Variants in YTHDF2 observed in about 807,000 individuals in gnomAD.
YTHDF2 encodes the protein YTH N6-methyladenosine RNA binding protein F2.
In YTHDF2, 2 loss-of-function variants were observed where a neutral mutation model predicts 50.4. The observed-to-expected ratio is 0.04, with a 90% CI of 0.02 to 0.12. The LOEUF is 0.12. Among genes scored for constraint, YTHDF2 ranks in the 10% least tolerant of loss-of-function variants. YTHDF2 has a pLI of 1.00. For synonymous variants in YTHDF2, 217 were observed against 255.6 expected (o/e 0.85, Z 1.44); for missense variants, 483 against 722.6 (o/e 0.67, Z 3.80).
In YTHDF2 at chr1:28,743,490, T is replaced by C. The variant is rs769882251; in HGVS notation, c.1220T>C (p.Leu407Pro). ...AACCCCAAAGATTTTGACTGGAATC[T>C]GAAACATGGCCGGGTTTTCATCATT... ...NYNPKDFDWN[L>P]KHGRVFIIKS... Residue 407 changes from leucine (L) to proline (P), a missense_variant, in exon 4 of 5, where the codon CTG becomes CCG. By Grantham distance (98) the Leu-to-Pro change is moderately conservative. This residue lies in a region of YTHDF2 where 59 missense variants were observed against 168.9 expected (regional missense o/e 0.35). Transcript: ENST00000373812. This position sits in a 1 kb window ranked among gnomAD's most constrained non-coding sequence, Gnocchi z 6.9. 5.6e-6 allele frequency: 9 copies of C among 1,614,172 alleles called. No homozygotes were observed. The highest frequency in any genetic ancestry group is 6.8e-6 in the Non-Finnish European group (8 of 1,180,036).
chr1:28,752,308 GTTGTTT>G, intron 4 of YTHDF2, among the ~76,000 whole-genome samples: 1 of 151,892 alleles, frequency 6.6e-6, no homozygotes, highest in East Asian at 1.9e-4. Flanking sequence ...TGTTGTTGTT[GTTGTTT>G]TTGAGACGGA....
chr1:28,749,179 CTTTTT>C (rs60729215), intron 4 of YTHDF2, among the ~76,000 whole-genome samples: 39 of 107,420 alleles, frequency 3.6e-4, no homozygotes, highest in Admixed American at 7.8e-4. Context: ...TTCTTTCTTC[CTTTTT>C]TTTTTTTTTT....
intron 4 of YTHDF2, among the ~76,000 whole-genome samples, chr1:28,754,016 ATTC>A (rs1017582938): frequency 6.5e-4 from 99 of 152,116 alleles, no homozygotes; most frequent in African/African-American, 2.3e-3. Context: ...CTAGGATTTT[ATTC>A]TTTACCTGTG....
At chr1:28,747,665 G>A (rs1481671496) in intron 4 of YTHDF2, among the ~76,000 whole-genome samples, 1 of 146,100 alleles carries the variant, frequency 6.8e-6, no homozygotes. Context: ...TGATCCTCCC[G>A]CCTCTCCCTC....
chr1:28,768,937 A>C lies in YTHDF2; in HGVS notation c.1725A>C (p.Gln575His), dbSNP rs773191267. Residue 575 changes from glutamine to histidine, a missense_variant, in exon 5 of 5, where the codon CAA (glutamine) becomes CAC (histidine). Physicochemically the swap from Gln to His is conservative, Grantham distance 24. Coordinates refer to ENST00000373812, the MANE Select transcript of YTHDF2 (RefSeq NM_016258.3). ...EEEESVKKER[Q>H]GRGK ...TTTTCTTACCTCTGTAGGAACGTCA[A>C]GGTCGTGGGAAATAAAAGGCAGTTC... 6.3e-7 allele frequency: 1 copy of C among 1,593,566 alleles called. No individual in the cohort carries two copies. Among genetic ancestry groups the C allele is most frequent in the African/African-American group, 1.3e-5 (1 of 74,514 alleles).
chr1:28,749,318 C>A (rs560784818), intron 4 of YTHDF2, among the ~76,000 whole-genome samples: 62 of 151,646 alleles, frequency 4.1e-4, no homozygotes, highest in African/African-American at 1.5e-3. Context: ...CAGCCTCTCG[C>A]GTAGCTGGGA....
In YTHDF2 at chr1:28,738,302, T is replaced by C. The variant is rs1557537737; in HGVS notation, c.96T>C (p.Asp32=). The stretch of plus-strand genomic sequence containing the variant: ...ATCAAAAGGATGGATTAAACGATGA[T>C]GATTTTGAACCTTACTTGAGTCCAC... ...SVHQKDGLND[D]DFEPYLSPQA... The change falls in exon 3 of 5, where the codon GAT becomes GAC. Residue 32 remains aspartate (D), a synonymous_variant. Coordinates refer to ENST00000373812, the MANE Select transcript of YTHDF2 (RefSeq NM_016258.3). 6 of 1,614,208 alleles carry C rather than the reference T, an allele frequency of 3.7e-6. No homozygotes were observed. The highest frequency in any genetic ancestry group is 5.1e-6 in the Non-Finnish European group (6 of 1,180,044).
chr1:28,738,498 G>A (rs1289057142), intron 3 of YTHDF2, among the ~76,000 whole-genome samples, 160 bp downstream of exon 3: 1 of 152,146 alleles, frequency 6.6e-6, no homozygotes, highest in African/African-American at 2.4e-5. Context: ...AGGCTGGGGT[G>A]TAGTGGCGCA....
rs746598894 is a variant in YTHDF2 at position 28,743,038 on chromosome 1, G to C, written c.768G>C (p.Lys256Asn). 4 of 1,614,068 alleles carry C rather than the reference G, an allele frequency of 2.5e-6. No homozygotes were observed. The South Asian group carries it at 4.4e-5, about 18-fold the overall frequency. ...AACAGCAACCTAAACTGAAGACCAA[G>C]AATGGCATTGCAGGGTCAAGTCTTC... ...PAKQQPKLKT[K>N]NGIAGSSLPP... The change falls in exon 4 of 5, where the codon AAG becomes AAC. Residue 256 changes from lysine (K) to asparagine (N), a missense_variant. By Grantham distance (94) the Lys-to-Asn change is moderately conservative. Coordinates refer to ENST00000373812, the MANE Select transcript of YTHDF2 (RefSeq NM_016258.3). This position sits in a 1 kb window ranked among gnomAD's most constrained non-coding sequence, Gnocchi z 6.9.
At chr1:28,737,607 C>T (rs776239167) in intron 1 of YTHDF2, 51 bp from the exon 2 acceptor site, 2 of 1,613,198 alleles carry the variant, frequency 1.2e-6, no homozygotes, top group African/African-American at 1.3e-5. Flanking sequence ...CTTCCTTTTC[C>T]ATTTCTCCTT....
intron 4 of YTHDF2, among the ~76,000 whole-genome samples, chr1:28,747,555 T>G (rs907053020): frequency 9.7e-5 from 14 of 144,560 alleles, no homozygotes; most frequent in African/African-American, 3.2e-4. Flanking sequence ...CATAAAGACT[T>G]TTTTTTTTTT....
chr1:28,749,986 GTTT>G (rs371730633), intron 4 of YTHDF2, among the ~76,000 whole-genome samples: 2 of 78,326 alleles, frequency 2.6e-5, no homozygotes, highest in Non-Finnish European at 4.5e-5. Flanking sequence ...AAAAAAGGTT[GTTT>G]TTTTTTTTTT....
At chr1:28,762,640 A>AGG (rs1006589667) in intron 4 of YTHDF2, among the ~76,000 whole-genome samples, 6 of 152,280 alleles carry the variant, frequency 3.9e-5, no homozygotes, top group African/African-American at 1.4e-4. Context: ...TTGAAAGTGA[A>AGG]GGGAGAGGGA....
At chr1:28,744,276 AAG>A (rs1188289038) in intron 4 of YTHDF2, among the ~76,000 whole-genome samples, 1 of 133,128 alleles carries the variant, frequency 7.5e-6, no homozygotes, top group African/African-American at 2.5e-5. Flanking sequence ...GAATGAGTCA[AAG>A]AGATGCAGAG....
At position 28,742,423 on chromosome 1, in the gene YTHDF2, G is replaced by A; in HGVS notation, c.153G>A (p.Met51Ile). 1.3e-6 allele frequency: 2 copies of A among 1,572,008 alleles called. No homozygotes were observed. Among genetic ancestry groups the A allele is most frequent in the Non-Finnish European group, 1.7e-6 (2 of 1,162,510 alleles). ...QARPNNAYTAMSDSYLPSYYS... is the reference protein window; with the variant it reads ...QARPNNAYTAISDSYLPSYYS... ...CACAGAATAATGCATATACTGCCAT[G>A]TCAGATTCCTACTTACCCAGTTACT... Residue 51 changes from methionine (M) to isoleucine (I), a missense_variant, in exon 4 of 5, where the codon ATG becomes ATA. By Grantham distance (10) the Met-to-Ile change is conservative. Around this residue, in one of 4 missense-constraint regions of YTHDF2, gnomAD observed 385 missense variants for 475.8 expected, o/e 0.81. Coordinates refer to ENST00000373812, the MANE Select transcript of YTHDF2 (RefSeq NM_016258.3).
At chr1:28,737,749 C>T in intron 2 of YTHDF2, 67 bp downstream of exon 2, 3 of 1,588,258 alleles carry the variant, frequency 1.9e-6, no homozygotes, top group Non-Finnish European at 2.6e-6. Flanking sequence ...GCGGGGTCTC[C>T]GGGAAGCGCC....
intron 4 of YTHDF2, among the ~76,000 whole-genome samples, chr1:28,759,453 T>G (rs916039828): frequency 1.3e-5 from 2 of 152,198 alleles, no homozygotes; most frequent in African/African-American, 4.8e-5. Flanking sequence ...AAATGCATTG[T>G]CAGGTGATTT....
intron 4 of YTHDF2, among the ~76,000 whole-genome samples, chr1:28,758,417 GC>G (rs1391573646): frequency 1.3e-5 from 2 of 152,192 alleles, no homozygotes; most frequent in African/African-American, 4.8e-5. Flanking sequence ...ATCTGCTGAT[GC>G]CTGTAGTCAG....
chr1:28,737,178 T>C, intron 1 of YTHDF2, 31 bp downstream of exon 1: 1 of 1,559,902 alleles, frequency 6.4e-7, no homozygotes, highest in East Asian at 2.4e-5. Flanking sequence ...CCTCGGCCAT[T>C]GTGTGAGGCG....
Sources: allele counts gnomAD v4.1 joint callset (sites outside exome capture counted in the v4.1 genomes callset), GRCh38; gene constraint gnomAD v4.1.1; regional missense constraint gnomAD v4.1.1; non-coding constraint Gnocchi (gnomAD v3.1); transcripts MANE v1.5; gene names NCBI Gene and HGNC (gene_info 2026-07-23, HGNC 2026-07-21).